The following ZNF407 variants were observed in gnomAD, a reference collection of about 807,000 sequenced individuals.
ZNF407 encodes zinc finger protein 407.
A neutral mutation model predicts 131.2 loss-of-function variants in ZNF407; 17 were observed. That is an observed-to-expected ratio of 0.13 (90% CI 0.09 to 0.19). The LOEUF is 0.19. ZNF407 is among the 10% of genes least tolerant of loss of function. The pLI, the probability that ZNF407 is intolerant of heterozygous loss-of-function variation, is 1.00. For missense variants in ZNF407, 2,681 were observed against 2,830.6 expected (o/e 0.95, Z 1.20); for synonymous variants, 1,156 against 1,062.0 (o/e 1.09, Z -1.72).
Position 74,819,596 on chromosome 18 carries a change from G to GCAT in ZNF407, c.4877+38094_4877+38095insCAT, listed in dbSNP as rs1970313304. Among the ~76,000 whole-genome samples, 6 of 152,156 alleles carry GCAT rather than the reference G, an allele frequency of 3.9e-5. 1 individual carries two copies. In the South Asian group the frequency reaches 1.2e-3, roughly 32 times the overall value. ...CAGGAGGCAGAGCCCAGGGAGCTCG[G>GCAT]GGCATGGCATTCCTAGGACGGGACC... On this transcript the variant is annotated intron_variant, in intron 4 of 8. Coordinates refer to ENST00000299687, the MANE Select transcript of ZNF407 (RefSeq NM_017757.3).
intron 3 of ZNF407, among the ~76,000 whole-genome samples, chr18:74,678,997 A>C (rs1006208698): frequency 6.6e-6 from 1 of 152,044 alleles, no homozygotes; most frequent in Non-Finnish European, 1.5e-5. Flanking sequence ...GAAAATTTCA[A>C]AGCCTGTTTA....
intron 8 of ZNF407, among the ~76,000 whole-genome samples, chr18:75,023,854 T>C (rs186414208): frequency 2.0e-5 from 3 of 152,366 alleles, no homozygotes; most frequent in Non-Finnish European, 4.4e-5. Context: ...ACTGTTGTAG[T>C]TGCACTTTGA....
At chr18:74,627,262 C>G (rs1004770836) in intron 1 of ZNF407, among the ~76,000 whole-genome samples, 1 of 152,102 alleles carries the variant, frequency 6.6e-6, no homozygotes, top group Non-Finnish European at 1.5e-5. Context: ...TGTATTGTCT[C>G]GATGTCTCAT....
intron 8 of ZNF407, among the ~76,000 whole-genome samples, chr18:74,923,336 A>G (rs946828822): frequency 6.6e-6 from 1 of 151,456 alleles, no homozygotes; most frequent in African/African-American, 2.4e-5. Flanking sequence ...TGAACTAATA[A>G]TGCAAATCCA....
intron 8 of ZNF407, among the ~76,000 whole-genome samples, chr18:75,027,145 C>T (rs903968756): frequency 1.3e-5 from 2 of 152,120 alleles, no homozygotes; most frequent in African/African-American, 4.8e-5. Context: ...AAGCTGTTCA[C>T]GGAGATGAGA....
In ZNF407 at chr18:74,635,035, C is replaced by G; in HGVS notation, c.4016C>G (p.Thr1339Ser). The change falls in exon 2 of 9, where the codon ACT becomes AGT. Residue 1339 changes from threonine (T) to serine (S), a missense_variant. Transcript: ENST00000299687. The surrounding 1 kb of genome is among the most constrained non-coding windows in gnomAD (Gnocchi z 4.7). ...GTTGAAAGTAGTGATGTCTATGAAA[C>G]TATAATTAGTATTGATGATAAAGGG... ...STVESSDVYE[T>S]IISIDDKGQA... 1.2e-6 allele frequency: 2 copies of G among 1,613,922 alleles called. No individual in the cohort carries two copies. Among genetic ancestry groups the G allele is most frequent in the Non-Finnish European group, 1.7e-6 (2 of 1,179,894 alleles).
Position 74,648,393 on chromosome 18 carries a change from G to A in ZNF407, c.4802+7271G>A, listed in dbSNP as rs117846463. On this transcript the variant is annotated intron_variant, in intron 3 of 8. Transcript: ENST00000299687. ...GGACAATTGGGTGAGGTGGGCAGGG[G>A]TCAGGTCACAGAGCTGGGCCATGCT... 1.8e-3 allele frequency among the ~76,000 whole-genome samples: 278 copies of A among 152,266 alleles called. 7 individuals carry two copies. In the East Asian group the frequency reaches 0.049, roughly 27 times the overall value.
chr18:74,668,869 T>G (rs532998114), intron 3 of ZNF407, among the ~76,000 whole-genome samples: 1 of 152,198 alleles, frequency 6.6e-6, no homozygotes, highest in Admixed American at 6.5e-5. Context: ...CATTATCCAT[T>G]CATTTTAGTT....
At chr18:74,786,718 C>T (rs1969720327) in intron 4 of ZNF407, among the ~76,000 whole-genome samples, 1 of 150,414 alleles carries the variant, frequency 6.6e-6, no homozygotes, top group Non-Finnish European at 1.5e-5. Flanking sequence ...ATCTTTTAAC[C>T]TGTAAACAGT....
chr18:74,847,069 G>A lies in ZNF407; in HGVS notation c.4878-30128G>A, dbSNP rs376139354. ...TTGCTCAAAATGATTCTCTTAGGAT[G>A]TTCTACTGAGAGATGCCTTTATAGA... is the stretch of plus-strand genomic sequence containing the variant. On this transcript the variant is annotated intron_variant, in intron 4 of 8. Transcript: ENST00000299687. Among the ~76,000 whole-genome samples the A allele has an allele frequency of 7.2e-5, 11 of 152,222 alleles. No homozygotes were observed. The East Asian group carries it at 1.7e-3, about 24-fold the overall frequency.
intron 8 of ZNF407, among the ~76,000 whole-genome samples, chr18:75,044,153 T>C (rs944282529): frequency 1.3e-5 from 2 of 152,180 alleles, no homozygotes; most frequent in Admixed American, 6.5e-5. Flanking sequence ...TAGAATCTTA[T>C]GTAAGGTTTT....
intron 4 of ZNF407, among the ~76,000 whole-genome samples, chr18:74,818,774 T>C (rs193076090): frequency 6.7e-6 from 1 of 149,246 alleles, no homozygotes; most frequent in African/African-American, 2.4e-5. Flanking sequence ...CTGTTTCCAA[T>C]CCTGATAAGT....
Position 74,829,770 on chromosome 18 carries a change from C to T in ZNF407, c.4878-47427C>T, listed in dbSNP as rs1438332818. On this transcript the variant is annotated intron_variant, in intron 4 of 8. Coordinates refer to ENST00000299687, the MANE Select transcript of ZNF407 (RefSeq NM_017757.3). ...TTTAAGATGTGAGGTTTCTGGATCA[C>T]ATTTGAAAAACTGCTAATTCTGGTC... 2.0e-5 allele frequency among the ~76,000 whole-genome samples: 3 copies of T among 150,586 alleles called. No homozygotes were observed. The East Asian group carries it at 5.8e-4, about 29-fold the overall frequency.
At chr18:75,025,423 ATCTT>A (rs1275844527) in intron 8 of ZNF407, among the ~76,000 whole-genome samples, 2 of 152,238 alleles carry the variant, frequency 1.3e-5, no homozygotes, top group African/African-American at 2.4e-5. Context: ...AGGGTATTCA[ATCTT>A]TCTTTAGCTT....
In ZNF407 at chr18:74,706,544, G is replaced by A. The variant is rs536979781; in HGVS notation, c.4802+65422G>A. On this transcript the variant is annotated intron_variant, in intron 3 of 8. Coordinates refer to ENST00000299687, the MANE Select transcript of ZNF407 (RefSeq NM_017757.3). ...TTATTTAGGGCCTCATTTGTTTCAG[G>A]TGTGTGGTTCAGCTCTGAACAGCAC... Among the ~76,000 whole-genome samples the A allele has an allele frequency of 5.3e-5, 8 of 152,278 alleles. No homozygotes were observed. In the South Asian group the frequency reaches 1.4e-3, roughly 28 times the overall value.
chr18:74,937,048 A>G (rs1972047191), intron 8 of ZNF407, among the ~76,000 whole-genome samples: 1 of 152,180 alleles, frequency 6.6e-6, no homozygotes, highest in African/African-American at 2.4e-5. Flanking sequence ...CAAATTTTGG[A>G]CATTTTGCTC....
intron 4 of ZNF407, among the ~76,000 whole-genome samples, chr18:74,810,575 T>A (rs1970179370): frequency 6.6e-6 from 1 of 152,228 alleles, no homozygotes; most frequent in Admixed American, 6.5e-5. Context: ...ATAACACTTT[T>A]ATTTATTCCT....
intron 3 of ZNF407, 35 bp downstream of exon 3, chr18:74,641,157 C>T: frequency 6.5e-7 from 1 of 1,537,704 alleles, no homozygotes; most frequent in Non-Finnish European, 9.0e-7. Flanking sequence ...CTGCGTGAAC[C>T]AGGAAGCATG....
At chr18:74,812,207 T>C (rs951577428) in intron 4 of ZNF407, among the ~76,000 whole-genome samples, 2 of 152,176 alleles carry the variant, frequency 1.3e-5, no homozygotes, top group Admixed American at 1.3e-4. Context: ...CACTTAGGAT[T>C]TGTGAGATGT....
Sources: allele counts gnomAD v4.1 joint callset (sites outside exome capture counted in the v4.1 genomes callset), GRCh38; gene constraint gnomAD v4.1.1; non-coding constraint Gnocchi (gnomAD v3.1); transcripts MANE v1.5; gene names NCBI Gene and HGNC (gene_info 2026-07-23, HGNC 2026-07-21).